Variants in STK24 observed in about 807,000 individuals in gnomAD.
The protein encoded by STK24 is serine/threonine-protein kinase 24.
STK24 carries 21 observed loss-of-function variants against 55.6 expected under a neutral mutation model. The ratio of observed to expected loss-of-function variants is 0.38; its 90% CI spans 0.27 to 0.54. STK24 has a LOEUF of 0.54. Ranked by LOEUF, STK24 falls within the 20% of genes least tolerant of loss-of-function variation. The pLI is 0.79. For synonymous variants in STK24, 200 were observed against 215.2 expected, an observed-to-expected ratio of 0.93 and a Z score of 0.62; for missense variants, 383 against 538.4, an observed-to-expected ratio of 0.71 and a Z score of 2.86.
intron 1 of STK24, among the ~76,000 whole-genome samples, chr13:98,551,921 T>C (rs1010778537): frequency 2.0e-5 from 3 of 152,164 alleles, no homozygotes; most frequent in Non-Finnish European, 2.9e-5. Context: ...CTGCAGAAAT[T>C]GGATTGCTTG....
chr13:98,459,841 T>C (rs1162151620), intron 9 of STK24, among the ~76,000 whole-genome samples: 2 of 152,198 alleles, frequency 1.3e-5, no homozygotes, highest in African/African-American at 4.8e-5. Flanking sequence ...AAGCCTACTT[T>C]TGAAAATCTC....
At chr13:98,501,362 G>C (rs1171609970) in intron 2 of STK24, among the ~76,000 whole-genome samples, 1 of 152,222 alleles carries the variant, frequency 6.6e-6, no homozygotes, top group Non-Finnish European at 1.5e-5. Context: ...GGCTAGCCAG[G>C]GGTGGGGCGG....
intron 1 of STK24, among the ~76,000 whole-genome samples, chr13:98,546,424 A>T (rs1212052401): frequency 2.0e-5 from 3 of 150,526 alleles, no homozygotes; most frequent in Non-Finnish European, 3.0e-5. Flanking sequence ...ATTTTGCTTT[A>T]AAAAAAAAAT....
chr13:98,470,550 C>T (rs1300095411), intron 5 of STK24, among the ~76,000 whole-genome samples: 1 of 152,224 alleles, frequency 6.6e-6, no homozygotes, highest in Non-Finnish European at 1.5e-5. Flanking sequence ...CATTAAGACA[C>T]TGCTCACAGA....
At chr13:98,564,895 C>G (rs1209966836) in intron 1 of STK24, among the ~76,000 whole-genome samples, 1 of 152,096 alleles carries the variant, frequency 6.6e-6, no homozygotes, top group Non-Finnish European at 1.5e-5. Context: ...AATAAGGTTC[C>G]AAGGTCAAAA....
At chr13:98,489,156 A>C (rs1369912049) in intron 2 of STK24, among the ~76,000 whole-genome samples, 1 of 152,078 alleles carries the variant, frequency 6.6e-6, no homozygotes, top group Non-Finnish European at 1.5e-5. Flanking sequence ...TCCACTTCCC[A>C]TTGCCCCCGG....
intron 1 of STK24, among the ~76,000 whole-genome samples, chr13:98,540,562 G>A (rs1896859207): frequency 6.6e-6 from 1 of 151,926 alleles, no homozygotes; most frequent in African/African-American, 2.4e-5. Context: ...AAAAAGCTAA[G>A]TATTGTTCAC....
chr13:98,545,384 T>C (rs530235894), intron 1 of STK24, among the ~76,000 whole-genome samples: 6 of 152,290 alleles, frequency 3.9e-5, no homozygotes, highest in East Asian at 3.9e-4. Flanking sequence ...CAGTGGCTCA[T>C]GCCTGTAATC....
At chr13:98,552,238 A>T (rs879695649) in intron 1 of STK24, among the ~76,000 whole-genome samples, 1 of 152,092 alleles carries the variant, frequency 6.6e-6, no homozygotes, top group Non-Finnish European at 1.5e-5. Flanking sequence ...CAGTAGGGAG[A>T]GGCACTATGG....
intron 1 of STK24, among the ~76,000 whole-genome samples, chr13:98,542,413 A>G (rs900686129): frequency 2.0e-5 from 3 of 152,086 alleles, no homozygotes; most frequent in African/African-American, 7.2e-5. Flanking sequence ...AAAACGGCCA[A>G]TTGGTAGGTT....
intron 2 of STK24, among the ~76,000 whole-genome samples, chr13:98,516,867 A>C (rs1417921149): frequency 6.6e-6 from 1 of 152,240 alleles, no homozygotes; most frequent in Non-Finnish European, 1.5e-5. Flanking sequence ...AACTAAACAA[A>C]ATACCGGGGC....
chr13:98,562,833 A>G (rs1897461750), intron 1 of STK24, among the ~76,000 whole-genome samples: 1 of 150,984 alleles, frequency 6.6e-6, no homozygotes, highest in South Asian at 2.1e-4. Flanking sequence ...GGAGAACCAC[A>G]TGAACCCAGG....
At chr13:98,488,134 C>T (rs1454866007) in intron 2 of STK24, among the ~76,000 whole-genome samples, 4 of 147,394 alleles carry the variant, frequency 2.7e-5, no homozygotes, top group East Asian at 2.0e-4. Context: ...TGATCCAATA[C>T]GGCTGGTGTC....
intron 1 of STK24, among the ~76,000 whole-genome samples, chr13:98,562,784 C>T (rs1173264772): frequency 2.0e-5 from 3 of 151,770 alleles, no homozygotes; most frequent in South Asian, 4.1e-4. Flanking sequence ...GACGTGGTGG[C>T]GGGCGCCTGC....
chr13:98,491,518 G>A (rs1260897916), intron 2 of STK24, among the ~76,000 whole-genome samples: 1 of 152,040 alleles, frequency 6.6e-6, no homozygotes, highest in Admixed American at 6.5e-5. Flanking sequence ...GGAACAAAAC[G>A]AAGCAACTGA....
intron 7 of STK24, 56 bp downstream of exon 7, chr13:98,463,635 A>G: frequency 1.3e-6 from 2 of 1,527,594 alleles, no homozygotes; most frequent in South Asian, 1.3e-5. Flanking sequence ...AAACAGTGAC[A>G]AAGACCAGCG....
chr13:98,453,347 T>C, intron 10 of STK24, 138 bp from the exon 11 acceptor site: 1 of 827,654 alleles, frequency 1.2e-6, no homozygotes, highest in South Asian at 1.7e-5. Flanking sequence ...TATCAATGTG[T>C]AAGTCTAATT....
rs551043833 is a variant in STK24, at chr13:98,547,691, G to A, written c.43-28218C>T. Reference sequence around the variant, plus strand: ...ATGGGCTGGGGAGGCAAGATTAAGAGTAAAATCAATAGCTGTGAAATGGTT... The same window carrying A: ...ATGGGCTGGGGAGGCAAGATTAAGAATAAAATCAATAGCTGTGAAATGGTT... On this transcript the variant is annotated intron_variant, in intron 1 of 10. Transcript: ENST00000539966. 2.0e-5 allele frequency among the ~76,000 whole-genome samples: 3 copies of A among 152,322 alleles called. No homozygotes were observed. In the East Asian group the frequency reaches 5.8e-4, roughly 29 times the overall value.
intron 5 of STK24, among the ~76,000 whole-genome samples, chr13:98,472,884 T>C (rs2139281905): frequency 6.6e-6 from 1 of 152,252 alleles, no homozygotes; most frequent in South Asian, 2.1e-4. Flanking sequence ...CTTTCAAAAC[T>C]CTTTTAAACC....
Sources: gnomAD v4.1 joint callset for allele counts (sites outside exome capture counted in the v4.1 genomes callset) on GRCh38, gnomAD v4.1.1 for gene constraint, MANE v1.5 for transcripts, NCBI Gene and HGNC (gene_info 2026-07-23, HGNC 2026-07-21) for gene names.